EBF3: variants seen among roughly 807,000 people sequenced by gnomAD.
EBF3 encodes the protein transcription factor COE3.
In EBF3, 18 loss-of-function variants were observed where a neutral mutation model predicts 77.1. That is an observed-to-expected ratio of 0.23 (90% CI 0.16 to 0.35). EBF3 has a LOEUF of 0.35. Ranked by LOEUF, EBF3 falls within the 10% of genes least tolerant of loss-of-function variation. EBF3 has a pLI of 1.00. For missense variants in EBF3, 558 were observed against 860.0 expected, an observed-to-expected ratio of 0.65 and a Z score of 4.39; for synonymous variants, 350 against 343.5, an observed-to-expected ratio of 1.02 and a Z score of -0.21.
chr10:129,920,968 T>A (rs1856256138), intron 6 of EBF3, among the ~76,000 whole-genome samples: 1 of 151,990 alleles, frequency 6.6e-6, no homozygotes, highest in African/African-American at 2.4e-5. Context: ...AAGGCTGTTG[T>A]GAGCCTGAGG....
chr10:129,836,086 A>AG lies in EBF3; in HGVS notation c.*1856dup, dbSNP rs755511787. 2.0e-5 allele frequency: 3 copies of AG among 152,630 alleles called. No individual in the cohort carries two copies. The highest frequency in any genetic ancestry group is 4.4e-5 in the Non-Finnish European group (3 of 68,054). 9.5% of individuals were successfully genotyped at this position (152,630 alleles called of 1,614,324 possible). A position where few individuals can be genotyped will look rare whatever the true frequency, so the allele number is the denominator to read the frequency against. ...GGACGCAGCAGAAATAGTCCCAGAA[A>AG]GGAGAGACGGGTCATGCAGCGGGCT... On this transcript the variant is annotated 3_prime_UTR_variant, in exon 17 of 17. Coordinates refer to ENST00000440978, the MANE Select transcript of EBF3 (RefSeq NM_001375380.1).
In EBF3 at chr10:129,870,594, T is replaced by A. The variant is rs1229191906; in HGVS notation, c.782-2682A>T. On this transcript the variant is annotated intron_variant, in intron 8 of 16. Transcript: ENST00000440978. The surrounding 1 kb of genome is among the most constrained non-coding windows in gnomAD (Gnocchi z 4.4). ...CATGACCTGTTTTTAACTCTGAGGA[T>A]CCTCTCAGCTACTTGGGAGAAGAGG... Among the ~76,000 whole-genome samples, 1 of 152,000 alleles carries A rather than the reference T, an allele frequency of 6.6e-6. No homozygotes were observed. Among genetic ancestry groups the A allele is most frequent in the African/African-American group, 2.4e-5 (1 of 41,366 alleles).
In EBF3 at chr10:129,964,266, C is replaced by G; in HGVS notation, c.-498G>C. 3.0e-6 allele frequency: 3 copies of G among 985,050 alleles called. No individual in the cohort carries two copies. The highest frequency in any genetic ancestry group is 3.6e-6 in the Non-Finnish European group (3 of 829,826). 61.0% of individuals were successfully genotyped at this position (985,050 alleles called of 1,614,324 possible). On this transcript the variant is annotated 5_prime_UTR_variant, in exon 1 of 17. Coordinates refer to ENST00000440978, the MANE Select transcript of EBF3 (RefSeq NM_001375380.1). The surrounding 1 kb of genome is among the most constrained non-coding windows in gnomAD (Gnocchi z 4.5). ...GCGCACAAAACTCAGCCCTCTCTCC[C>G]CGAGGAATGGACCCTTTCCCGGGAG...
chr10:129,911,531 A>C (rs1322899385), intron 6 of EBF3, among the ~76,000 whole-genome samples: 2 of 152,156 alleles, frequency 1.3e-5, no homozygotes, highest in Non-Finnish European at 2.9e-5. Context: ...AGGCCCCTGA[A>C]GCTTGGAATA....
intron 6 of EBF3, among the ~76,000 whole-genome samples, chr10:129,930,624 A>G (rs951867328): frequency 6.9e-6 from 1 of 145,704 alleles, no homozygotes; most frequent in Non-Finnish European, 1.5e-5. Flanking sequence ...ATATCTGTCT[A>G]TATCTATCTC....
Position 129,947,367 on chromosome 10 carries a change from T to C in EBF3, c.554+9891A>G, listed in dbSNP as rs1353264153. ...CAGCAGGTTTTATGTTGTGTTTTACTGTCAGCAATGGCTAAAGCTGGCCTA... is the reference window on the plus strand; with the variant it reads ...CAGCAGGTTTTATGTTGTGTTTTACCGTCAGCAATGGCTAAAGCTGGCCTA... On this transcript the variant is annotated intron_variant, in intron 6 of 16. Coordinates refer to ENST00000440978, the MANE Select transcript of EBF3 (RefSeq NM_001375380.1). This position sits in a 1 kb window ranked among gnomAD's most constrained non-coding sequence, Gnocchi z 4.5. Among the ~76,000 whole-genome samples the C allele has an allele frequency of 6.6e-6, 1 of 152,248 alleles. No individual in the cohort carries two copies. Among genetic ancestry groups the C allele is most frequent in the Non-Finnish European group, 1.5e-5 (1 of 68,046 alleles).
At chr10:129,856,434 G>A (rs1268315969) in intron 10 of EBF3, among the ~76,000 whole-genome samples, 1 of 152,148 alleles carries the variant, frequency 6.6e-6, no homozygotes, top group Non-Finnish European at 1.5e-5. Context: ...GTTACAACAG[G>A]GATGAGCCTG....
chr10:129,857,054 C>T (rs991927822), intron 10 of EBF3, among the ~76,000 whole-genome samples: 1 of 152,152 alleles, frequency 6.6e-6, no homozygotes, highest in Non-Finnish European at 1.5e-5. Context: ...TGTGGGGAAT[C>T]GATTCCCATT....
At chr10:129,874,150 T>C (rs11016988) in intron 7 of EBF3, among the ~76,000 whole-genome samples, 1 of 152,170 alleles carries the variant, frequency 6.6e-6, no homozygotes. Flanking sequence ...GAACTTTTTT[T>C]CATCTGAAAA....
intron 10 of EBF3, among the ~76,000 whole-genome samples, chr10:129,866,751 C>T (rs1456251124): frequency 1.3e-5 from 2 of 152,294 alleles, no homozygotes; most frequent in East Asian, 3.9e-4. Flanking sequence ...AGTGACACCA[C>T]GGGGAAGAGG....
Position 129,873,444 on chromosome 10 carries a change from G to A in EBF3, c.781+8C>T, listed in dbSNP as rs1173843937. ...GCAAATAAAAAAAGACATGTAACATGTGCCTACCATTTTCCAGATAAGAAG... is the reference window on the plus strand; with the variant it reads ...GCAAATAAAAAAAGACATGTAACATATGCCTACCATTTTCCAGATAAGAAG... On this transcript the variant is annotated splice_region_variant and intron_variant, in intron 8 of 16. Coordinates refer to ENST00000440978, the MANE Select transcript of EBF3 (RefSeq NM_001375380.1). 1 of 1,521,286 alleles carries A rather than the reference G, an allele frequency of 6.6e-7. No individual in the cohort carries two copies. The highest frequency in any genetic ancestry group is 1.4e-5 in the African/African-American group (1 of 71,050). 94.2% of individuals were successfully genotyped at this position (1,521,286 alleles called of 1,614,324 possible).
chr10:129,948,786 G>T (rs1858439053), intron 6 of EBF3, among the ~76,000 whole-genome samples: 1 of 152,146 alleles, frequency 6.6e-6, no homozygotes, highest in African/African-American at 2.4e-5. Context: ...GCCAGGTTAG[G>T]GGTGCCTGTT....
chr10:129,962,139 G>A, intron 4 of EBF3, 32 bp downstream of exon 4: 1 of 1,613,244 alleles, frequency 6.2e-7, no homozygotes, highest in African/African-American at 1.3e-5. Context: ...GCCCAGCAGT[G>A]AAAACTCGTG....
Position 129,841,047 on chromosome 10 carries a change from C to CCCCCCG in EBF3, c.1373-16_1373-15insCGGGGG. 6.2e-7 allele frequency: 1 copy of CCCCCCG among 1,604,308 alleles called. No individual in the cohort carries two copies. Among genetic ancestry groups the CCCCCCG allele is most frequent in the Non-Finnish European group, 8.5e-7 (1 of 1,175,764 alleles). Reference sequence around the variant, plus strand: ...ACTGTAGCCGACTGTTGAAATCCCCCCCCCGGCCAAAAATAACATTATTAT... The same window carrying CCCCCCG: ...ACTGTAGCCGACTGTTGAAATCCCCCCCCCCGCCCCGGCCAAAAATAACATTATTAT... On this transcript the variant is annotated splice_polypyrimidine_tract_variant and intron_variant, in intron 13 of 16. Transcript: ENST00000440978. This position sits in a 1 kb window ranked among gnomAD's most constrained non-coding sequence, Gnocchi z 4.6.
chr10:129,840,561 G>A (rs563975578), intron 14 of EBF3, 119 bp from the exon 15 acceptor site: 11 of 1,176,942 alleles, frequency 9.3e-6, no homozygotes, highest in South Asian at 7.4e-5. Flanking sequence ...CATGACATGC[G>A]TCTGGCTCGG....
chr10:129,860,601 G>A (rs1851553228), intron 10 of EBF3, among the ~76,000 whole-genome samples: 2 of 152,250 alleles, frequency 1.3e-5, no homozygotes, highest in African/African-American at 2.4e-5. Flanking sequence ...CTTGGAAAAC[G>A]ACCAAAGCCC....
At chr10:129,839,046 G>T in intron 16 of EBF3, 37 bp downstream of exon 16, 2 of 1,303,826 alleles carry the variant, frequency 1.5e-6, no homozygotes, top group Non-Finnish European at 2.0e-6. Flanking sequence ...ATACGCTAAC[G>T]GATGTTGTGA....
At chr10:129,868,171 C>T (rs1442542950) in intron 8 of EBF3, among the ~76,000 whole-genome samples, 4 of 152,240 alleles carry the variant, frequency 2.6e-5, no homozygotes, top group Admixed American at 2.0e-4. Context: ...TATGTGTCAG[C>T]GCAAATATGA....
chr10:129,866,772 G>A (rs11016984), intron 10 of EBF3, among the ~76,000 whole-genome samples: 1,970 of 152,288 alleles, frequency 0.013, 26 homozygotes, highest in East Asian at 0.043. Flanking sequence ...CATAGAGACC[G>A]GTGGACACAC....
Sources: gnomAD v4.1 joint callset for allele counts (sites outside exome capture counted in the v4.1 genomes callset) on GRCh38, gnomAD v4.1.1 for gene constraint, Gnocchi (gnomAD v3.1) non-coding constraint, MANE v1.5 for transcripts, NCBI Gene and HGNC (gene_info 2026-07-23, HGNC 2026-07-21) for gene names.